TTBK2: variants seen among roughly 807,000 people sequenced by gnomAD.
The protein encoded by TTBK2 is tau-tubulin kinase 2.
Under a neutral mutation model 110.8 loss-of-function variants are expected in TTBK2, and 28 were observed. That is an observed-to-expected ratio of 0.25 (90% CI 0.19 to 0.35). The LOEUF (loss-of-function observed/expected upper bound fraction) is 0.35. TTBK2 is among the 10% of genes least tolerant of loss of function. The probability of loss-of-function intolerance (pLI) is 1.00; values close to 1 mark genes in which losing one functional copy is unlikely to be tolerated. For missense variants in TTBK2, 1,369 were observed against 1,500.3 expected (o/e 0.91, Z 1.45); for synonymous variants, 532 against 527.3 (o/e 1.01, Z -0.12).
chr15:42,813,355 C>T (rs1262538274), intron 7 of TTBK2, among the ~76,000 whole-genome samples: 1 of 151,834 alleles, frequency 6.6e-6, no homozygotes, highest in Non-Finnish European at 1.5e-5. Flanking sequence ...AGCACCGTCT[C>T]TACAAAAAAT....
intron 12 of TTBK2, among the ~76,000 whole-genome samples, chr15:42,776,592 T>G (rs957577986): frequency 2.0e-5 from 3 of 152,240 alleles, no homozygotes; most frequent in African/African-American, 7.2e-5. Flanking sequence ...TTCACTAAAG[T>G]GAATTGAACT....
At position 42,794,680 on chromosome 15, in the gene TTBK2, G is replaced by T. The variant is rs1890853718; in HGVS notation, c.944C>A (p.Pro315His). ...AGGGGTCAAGCGAGTGTGCAACTGA[G>T]GGGTGGTAGAAGTAGTGGTGGTTGT... ...SLTTTTTSTT[P>H]QLHTRLTPAA... Residue 315 changes from proline to histidine, a missense_variant, in exon 10 of 15, where the codon CCT (proline) becomes CAT (histidine). Physicochemically the swap from Pro to His is moderately conservative, Grantham distance 77. Transcript: ENST00000267890. The T allele has an allele frequency of 6.2e-7, 1 of 1,614,124 alleles. No homozygotes were observed.
chr15:42,843,540 C>A (rs1012937268), intron 3 of TTBK2, among the ~76,000 whole-genome samples: 3 of 152,084 alleles, frequency 2.0e-5, no homozygotes, highest in Admixed American at 2.0e-4. Flanking sequence ...GCGGGCAGAT[C>A]ATGAGTTCAG....
At chr15:42,838,426 G>C (rs1327097865) in intron 4 of TTBK2, among the ~76,000 whole-genome samples, 1 of 151,582 alleles carries the variant, frequency 6.6e-6, no homozygotes, top group Non-Finnish European at 1.5e-5. Context: ...AAAATAGAAA[G>C]GTTTCCCTCT....
intron 1 of TTBK2, among the ~76,000 whole-genome samples, chr15:42,898,901 TAAC>T (rs1383215113): frequency 6.6e-6 from 1 of 152,342 alleles, no homozygotes; most frequent in East Asian, 1.9e-4. Context: ...CCTTTTTCAA[TAAC>T]AACTTGTATA....
rs757219397 is a variant in TTBK2, at chr15:42,746,264, A to G, written c.3273-7T>C. The G allele has an allele frequency of 1.4e-5, 23 of 1,597,294 alleles. No individual in the cohort carries two copies. The highest frequency in any genetic ancestry group is 1.9e-5 in the Non-Finnish European group (22 of 1,167,168). On this transcript the variant is annotated splice_region_variant and splice_polypyrimidine_tract_variant and intron_variant, in intron 14 of 14. Transcript: ENST00000267890. ...GACTTTATATCTGCGTAGCCTTAAAAGAACAGAGAAAATATATTTTAATTT... is the reference window on the plus strand; with the variant it reads ...GACTTTATATCTGCGTAGCCTTAAAGGAACAGAGAAAATATATTTTAATTT...
chr15:42,770,409 T>C (rs946450380), intron 13 of TTBK2, among the ~76,000 whole-genome samples: 1 of 152,136 alleles, frequency 6.6e-6, no homozygotes, highest in Non-Finnish European at 1.5e-5. Context: ...GTACTTAGCA[T>C]AGTACCCAAC....
chr15:42,891,713 A>G (rs1352617853), intron 1 of TTBK2, among the ~76,000 whole-genome samples: 6 of 152,120 alleles, frequency 3.9e-5, no homozygotes, highest in African/African-American at 1.4e-4. Context: ...TTATAATAAA[A>G]AGGTAATTTT....
chr15:42,907,364 G>T (rs530092786), intron 1 of TTBK2, among the ~76,000 whole-genome samples: 1 of 152,280 alleles, frequency 6.6e-6, no homozygotes, highest in East Asian at 1.9e-4. Context: ...ATATAGCAAA[G>T]AGATATCTGC....
chr15:42,787,552 T>G (rs1890462706), intron 10 of TTBK2, among the ~76,000 whole-genome samples: 1 of 152,176 alleles, frequency 6.6e-6, no homozygotes, highest in Admixed American at 6.5e-5. Flanking sequence ...GCTGACATAG[T>G]TGCAAATATC....
intron 11 of TTBK2, among the ~76,000 whole-genome samples, chr15:42,778,740 A>C (rs1890043696): frequency 6.6e-6 from 1 of 152,198 alleles, no homozygotes; most frequent in African/African-American, 2.4e-5. Flanking sequence ...AAAGATATTA[A>C]GAGATATGAT....
At position 42,742,104 on chromosome 15, in the gene TTBK2, G is replaced by A. The variant is rs1157812149; in HGVS notation, c.*3691C>T. 1 of 152,230 alleles carries A rather than the reference G, an allele frequency of 6.6e-6. No individual in the cohort carries two copies. The highest frequency in any genetic ancestry group is 2.1e-4 in the South Asian group (1 of 4,838). The allele number at this position is 152,230 out of a possible 1,614,324, so 9.4% of individuals were successfully genotyped here. A position where few individuals can be genotyped will look rare whatever the true frequency, so the allele number is the denominator to read the frequency against. On this transcript the variant is annotated 3_prime_UTR_variant, in exon 15 of 15. Transcript: ENST00000267890. ...AGTTCCCTACATTGCTAGGAGCCAAGGGAAGGAGACACTGTACACCTAGAG... is the reference window on the plus strand; with the variant it reads ...AGTTCCCTACATTGCTAGGAGCCAAAGGAAGGAGACACTGTACACCTAGAG...
chr15:42,815,859 TATATATATATATTTAA>T (rs1264942208), intron 7 of TTBK2, among the ~76,000 whole-genome samples: 3 of 126,558 alleles, frequency 2.4e-5, no homozygotes, highest in African/African-American at 3.4e-5. Flanking sequence ...TCTCTCTCTC[TATATATATATATTTAA>T]ATATATATAT....
At chr15:42,800,868 C>T (rs1218550347) in intron 9 of TTBK2, 2 of 609,018 alleles carry the variant, frequency 3.3e-6, no homozygotes, top group Admixed American at 5.8e-5. Flanking sequence ...TAGGGCTGAG[C>T]CTCGGGTGGG....
intron 13 of TTBK2, among the ~76,000 whole-genome samples, chr15:42,755,758 A>C (rs1449924819): frequency 6.6e-6 from 1 of 152,208 alleles, no homozygotes; most frequent in Non-Finnish European, 1.5e-5. Context: ...GTATATTTTG[A>C]AAGTGATGTT....
intron 9 of TTBK2, among the ~76,000 whole-genome samples, chr15:42,804,441 C>CAA (rs1289654692): frequency 2.8e-5 from 3 of 107,834 alleles, no homozygotes; most frequent in African/African-American, 1.0e-4. Flanking sequence ...AACTCCATCT[C>CAA]AAAAAAAAAA....
chr15:42,800,305 G>C (rs1397692339), intron 9 of TTBK2: 1 of 439,098 alleles, frequency 2.3e-6, no homozygotes, highest in South Asian at 1.7e-5. Flanking sequence ...ATAGATGCTT[G>C]GTGCAAGCTC....
At position 42,856,507 on chromosome 15, in the gene TTBK2, T is replaced by C. The variant is rs114732096; in HGVS notation, c.218-16074A>G. 5.1e-3 allele frequency among the ~76,000 whole-genome samples: 770 copies of C among 152,312 alleles called. 9 individuals carry two copies. The highest frequency in any genetic ancestry group is 0.018 in the African/African-American group (741 of 41,562). On this transcript the variant is annotated intron_variant, in intron 3 of 14. Transcript: ENST00000267890. ...GAACAAAGCCACCTGTAAAATGATA[T>C]TTTTGAGACAATGGGAGAAATTAAA...
intron 3 of TTBK2, among the ~76,000 whole-genome samples, chr15:42,853,023 A>G (rs1893782496): frequency 6.6e-6 from 1 of 152,228 alleles, no homozygotes; most frequent in African/African-American, 2.4e-5. Context: ...TGGATAAACC[A>G]GTTGTCTAAT....
Sources: allele counts gnomAD v4.1 joint callset (sites outside exome capture counted in the v4.1 genomes callset), GRCh38; gene constraint gnomAD v4.1.1; transcripts MANE v1.5; gene names NCBI Gene and HGNC (gene_info 2026-07-23, HGNC 2026-07-21).